Variants in WWP2 observed in about 807,000 individuals in gnomAD.
The protein encoded by WWP2 is NEDD4-like E3 ubiquitin-protein ligase WWP2.
Under a neutral mutation model 121.0 loss-of-function variants are expected in WWP2, and 57 were observed. That is an observed-to-expected ratio of 0.47 (90% CI 0.38 to 0.59). The LOEUF (loss-of-function observed/expected upper bound fraction) is 0.59. WWP2 is among the 20% of genes least tolerant of loss of function. WWP2 has a pLI of 0.00. For synonymous variants in WWP2, 449 were observed against 441.3 expected (o/e 1.02, Z -0.22); for missense variants, 962 against 1,158.9 (o/e 0.83, Z 2.47).
chr16:69,801,417 G>A (rs2056163986), intron 4 of WWP2, among the ~76,000 whole-genome samples: 1 of 151,822 alleles, frequency 6.6e-6, no homozygotes, highest in Non-Finnish European at 1.5e-5. Context: ...CATATTTTTA[G>A]TAGAGAGTAG....
At chr16:69,818,564 T>C (rs758108489) in intron 4 of WWP2, among the ~76,000 whole-genome samples, 5 of 152,176 alleles carry the variant, frequency 3.3e-5, no homozygotes, top group African/African-American at 4.8e-5. Flanking sequence ...TGCATTTGCT[T>C]GTCCCAAGGT....
intron 1 of WWP2, among the ~76,000 whole-genome samples, chr16:69,781,332 T>A (rs562083172): frequency 6.6e-6 from 1 of 152,146 alleles, no homozygotes; most frequent in South Asian, 2.1e-4. Context: ...TTGCAGGTCT[T>A]TGGCTTTTAC....
chr16:69,933,693 G>A (rs1276319328), intron 16 of WWP2, among the ~76,000 whole-genome samples: 1 of 152,188 alleles, frequency 6.6e-6, no homozygotes, highest in Non-Finnish European at 1.5e-5. Flanking sequence ...GTGATGTAAA[G>A]TCTTGGAACA....
rs889518099 is a variant in WWP2 at position 69,896,743 on chromosome 16, T to A, written c.914+8494T>A. On this transcript the variant is annotated intron_variant, in intron 8 of 23. Transcript: ENST00000359154. ...CTTGTGTGTATTTTTTTTTTTTTTT[T>A]AAACACTAACTACAGCTACCATGTA... 6.0e-5 allele frequency among the ~76,000 whole-genome samples: 9 copies of A among 148,866 alleles called. No homozygotes were observed. The South Asian group carries it at 1.3e-3, about 21-fold the overall frequency.
intron 6 of WWP2, among the ~76,000 whole-genome samples, chr16:69,854,158 C>T (rs1020012626): frequency 2.0e-5 from 3 of 152,044 alleles, no homozygotes; most frequent in Admixed American, 2.0e-4. Flanking sequence ...AAATTGTGAT[C>T]GAAAGGGGAC....
intron 6 of WWP2, among the ~76,000 whole-genome samples, chr16:69,863,225 CA>C (rs1463916414): frequency 3.3e-5 from 5 of 152,168 alleles, no homozygotes; most frequent in Non-Finnish European, 7.3e-5. Context: ...ATTTTCTCCA[CA>C]AATGGCTTTT....
At chr16:69,929,163 G>C (rs758769060) in intron 11 of WWP2, among the ~76,000 whole-genome samples, 17 of 152,072 alleles carry the variant, frequency 1.1e-4, no homozygotes, top group Non-Finnish European at 1.8e-4. Context: ...TGCTCCCTCT[G>C]GGTGGCCACA....
At chr16:69,835,944 A>G (rs993150620) in intron 4 of WWP2, among the ~76,000 whole-genome samples, 2 of 152,062 alleles carry the variant, frequency 1.3e-5, no homozygotes, top group Non-Finnish European at 2.9e-5. Flanking sequence ...TTGGGATTAC[A>G]GGTGTGTGCC....
chr16:69,820,256 T>TTTTTG (rs2056568280), intron 4 of WWP2, among the ~76,000 whole-genome samples: 1 of 152,076 alleles, frequency 6.6e-6, no homozygotes, highest in African/African-American at 2.4e-5. Context: ...TATTATTATT[T>TTTTTG]TTTTGAGATG....
chr16:69,871,754 TC>T (rs1434837334), intron 6 of WWP2, 49 bp from the exon 7 acceptor site: 3 of 1,608,178 alleles, frequency 1.9e-6, no homozygotes, highest in Non-Finnish European at 2.6e-6. Flanking sequence ...AACACTTCTG[TC>T]CTTTTCACAG....
chr16:69,783,827 C>T (rs776284799), intron 1 of WWP2, among the ~76,000 whole-genome samples: 2 of 133,296 alleles, frequency 1.5e-5, no homozygotes, highest in Non-Finnish European at 3.2e-5. Context: ...TGTGGTGGCA[C>T]ATCTATAGTC....
At chr16:69,872,043 G>C in intron 7 of WWP2, 112 bp downstream of exon 7, 1 of 1,450,922 alleles carries the variant, frequency 6.9e-7, no homozygotes, top group South Asian at 1.4e-5. Context: ...GGCGTCAGAA[G>C]GCTCTAGGAC....
At chr16:69,783,806 A>AAC (rs2055719437) in intron 1 of WWP2, among the ~76,000 whole-genome samples, 1 of 102,218 alleles carries the variant, frequency 9.8e-6, no homozygotes, top group South Asian at 3.5e-4. Flanking sequence ...ACAACAACAA[A>AAC]ATATTAGAGT....
intron 9 of WWP2, among the ~76,000 whole-genome samples, chr16:69,913,285 G>T (rs555188744): frequency 6.6e-6 from 1 of 150,946 alleles, no homozygotes; most frequent in South Asian, 2.1e-4. Context: ...CACCCACCTC[G>T]GCCTCCCAAA....
intron 2 of WWP2, among the ~76,000 whole-genome samples, chr16:69,795,880 T>G (rs1205400651): frequency 6.6e-6 from 1 of 151,916 alleles, no homozygotes; most frequent in Non-Finnish European, 1.5e-5. Flanking sequence ...ACTCCTGGCC[T>G]CAAGTGATCT....
At chr16:69,786,442 CTTTTTTTTTT>C (rs957224996) in intron 1 of WWP2, among the ~76,000 whole-genome samples, 2 of 85,406 alleles carry the variant, frequency 2.3e-5, no homozygotes, top group East Asian at 6.4e-4. Context: ...CCCAGCCAAT[CTTTTTTTTTT>C]TTTTTTTTTT....
intron 6 of WWP2, among the ~76,000 whole-genome samples, chr16:69,868,373 G>C (rs1246897556): frequency 6.6e-6 from 1 of 152,170 alleles, no homozygotes; most frequent in African/African-American, 2.4e-5. Context: ...TGGGAAGGGA[G>C]GGCAGGGCCA....
chr16:69,805,087 T>G (rs1234565749), intron 4 of WWP2, among the ~76,000 whole-genome samples: 1 of 151,726 alleles, frequency 6.6e-6, no homozygotes, highest in Non-Finnish European at 1.5e-5. Flanking sequence ...TCACCCAGGC[T>G]GGAGTACAGT....
rs546364292 is a variant in WWP2 at position 69,800,257 on chromosome 16, C to T, written c.340+962C>T. Among the ~76,000 whole-genome samples, 5 of 152,262 alleles carry T rather than the reference C, an allele frequency of 3.3e-5. No individual in the cohort carries two copies. In the South Asian group the frequency reaches 1.0e-3, roughly 32 times the overall value. On this transcript the variant is annotated intron_variant, in intron 4 of 23. Coordinates refer to ENST00000359154, the MANE Select transcript of WWP2 (RefSeq NM_001270454.2). ...GTTTAAAACCAGAGATGTGCCTCCA[C>T]TTTAATCCTGCAGAGAACTCCCTGA...
Sources: allele counts gnomAD v4.1 joint callset (sites outside exome capture counted in the v4.1 genomes callset), GRCh38; gene constraint gnomAD v4.1.1; transcripts MANE v1.5; gene names NCBI Gene and HGNC (gene_info 2026-07-23, HGNC 2026-07-21).